The following THSD7A variants were observed in gnomAD, a reference collection of about 807,000 sequenced individuals.
The protein encoded by THSD7A is thrombospondin type 1 domain containing 7A.
In THSD7A, 96 loss-of-function variants were observed where a neutral mutation model predicts 231.3. The observed-to-expected ratio is 0.41, with a 90% confidence interval of 0.35 to 0.49. The LOEUF (loss-of-function observed/expected upper bound fraction) is 0.49. THSD7A is among the 20% of genes least tolerant of loss of function. THSD7A has a pLI of 0.05. For synonymous variants in THSD7A, 940 were observed against 743.3 expected (o/e 1.26, Z -4.30); for missense variants, 2,290 against 2,070.2 (o/e 1.11, Z -2.06).
intron 25 of THSD7A, 141 bp from the exon 26 acceptor site, chr7:11,379,421 A>G (rs1486368764): frequency 3.3e-6 from 3 of 918,854 alleles, no homozygotes; most frequent in African/African-American, 1.7e-5. Flanking sequence ...TTAACTACAA[A>G]GAAACATACT....
At chr7:11,407,894 A>G (rs183038806) in intron 19 of THSD7A, among the ~76,000 whole-genome samples, 1 of 152,354 alleles carries the variant, frequency 6.6e-6, no homozygotes, top group African/African-American at 2.4e-5. Flanking sequence ...CTCAAAACTA[A>G]TGATATCATG....
At chr7:11,769,138 TATATA>T (rs1783132267) in intron 1 of THSD7A, among the ~76,000 whole-genome samples, 6 of 59,260 alleles carry the variant, frequency 1.0e-4, no homozygotes, top group South Asian at 1.4e-3. Context: ...TATATATATA[TATATA>T]TATATATATA....
At chr7:11,731,918 A>G (rs1781749504) in intron 1 of THSD7A, among the ~76,000 whole-genome samples, 1 of 151,664 alleles carries the variant, frequency 6.6e-6, no homozygotes, top group African/African-American at 2.4e-5. Context: ...ACAGAACCCC[A>G]AGTCCAGCTT....
chr7:11,542,768 T>G (rs1231422455), intron 5 of THSD7A, among the ~76,000 whole-genome samples, 194 bp downstream of exon 5: 1 of 152,228 alleles, frequency 6.6e-6, no homozygotes, highest in Non-Finnish European at 1.5e-5. Context: ...TTAACAAGCA[T>G]TTATGCCTAT....
At chr7:11,509,447 AT>A (rs1336157151) in intron 6 of THSD7A, among the ~76,000 whole-genome samples, 1 of 152,206 alleles carries the variant, frequency 6.6e-6, no homozygotes, top group Non-Finnish European at 1.5e-5. Flanking sequence ...TTGAACCCAA[AT>A]AACTTTTCAA....
intron 4 of THSD7A, among the ~76,000 whole-genome samples, chr7:11,559,254 A>T (rs1028071338): frequency 1.3e-5 from 2 of 152,180 alleles, no homozygotes; most frequent in Non-Finnish European, 2.9e-5. Context: ...GCTTGGAGAG[A>T]TGCATGCCAG....
At chr7:11,819,977 G>T (rs192577491) in intron 1 of THSD7A, among the ~76,000 whole-genome samples, 1 of 152,250 alleles carries the variant, frequency 6.6e-6, no homozygotes, top group African/African-American at 2.4e-5. Flanking sequence ...GCACCAAAAA[G>T]TCTATTAAAA....
chr7:11,448,706 C>A (rs990721103), intron 11 of THSD7A, among the ~76,000 whole-genome samples: 6 of 152,062 alleles, frequency 3.9e-5, no homozygotes, highest in African/African-American at 1.4e-4. Context: ...GCAATTTTAG[C>A]AAGGCAAGAT....
At chr7:11,723,492 T>C (rs779969125) in intron 1 of THSD7A, among the ~76,000 whole-genome samples, 2 of 151,560 alleles carry the variant, frequency 1.3e-5, no homozygotes, top group Non-Finnish European at 2.9e-5. Context: ...AATAAAAAAA[T>C]AAACTGGATG....
intron 6 of THSD7A, among the ~76,000 whole-genome samples, chr7:11,517,499 G>A (rs1263628485): frequency 6.6e-6 from 1 of 151,620 alleles, no homozygotes; most frequent in Non-Finnish European, 1.5e-5. Flanking sequence ...AACAAAGTAA[G>A]GCTATGAAGT....
chr7:11,647,747 T>C (rs865779918), intron 1 of THSD7A, among the ~76,000 whole-genome samples: 1 of 152,070 alleles, frequency 6.6e-6, no homozygotes, highest in South Asian at 2.1e-4. Context: ...TAAGAATGAA[T>C]TGCTGTTCTA....
intron 1 of THSD7A, among the ~76,000 whole-genome samples, chr7:11,674,949 A>G (rs1337241083): frequency 6.6e-6 from 1 of 152,168 alleles, no homozygotes; most frequent in Non-Finnish European, 1.5e-5. Context: ...TGACATAGCT[A>G]TGTTAAGAAA....
intron 1 of THSD7A, among the ~76,000 whole-genome samples, chr7:11,640,598 G>A (rs1216445694): frequency 6.6e-6 from 1 of 152,074 alleles, no homozygotes; most frequent in Non-Finnish European, 1.5e-5. Flanking sequence ...ATGTTTTTCT[G>A]AAATTAGCAT....
chr7:11,533,427 G>A (rs771706557), intron 6 of THSD7A, among the ~76,000 whole-genome samples: 5 of 152,118 alleles, frequency 3.3e-5, no homozygotes, highest in Non-Finnish European at 7.4e-5. Context: ...CTGTTTTATG[G>A]TGAGCAGCTG....
chr7:11,470,537 T>C (rs757680301), intron 8 of THSD7A, among the ~76,000 whole-genome samples: 21 of 151,792 alleles, frequency 1.4e-4, no homozygotes, highest in Non-Finnish European at 2.1e-4. Flanking sequence ...TATTTAATAA[T>C]AATTAAGATA....
intron 6 of THSD7A, among the ~76,000 whole-genome samples, chr7:11,537,188 C>G (rs1489638471): frequency 6.6e-6 from 1 of 152,128 alleles, no homozygotes; most frequent in African/African-American, 2.4e-5. Flanking sequence ...TCCCCTTCCT[C>G]ATCTTATAGG....
chr7:11,820,175 G>A (rs1784827679), intron 1 of THSD7A: 1 of 296,988 alleles, frequency 3.4e-6, no homozygotes, highest in South Asian at 1.5e-4. Context: ...GATGCCTCCC[G>A]CGGTAGTACA....
rs1220627175 is a variant in THSD7A at position 11,636,041 on chromosome 7, C to A, written c.1022+89G>T. The stretch of plus-strand genomic sequence containing the variant: ...ATCCTAGGTTGTGCCCCTACGTAAT[C>A]CAGAAGTTATTAGATAGTACCGGAT... On this transcript the variant is annotated intron_variant, in intron 2 of 27. Transcript: ENST00000423059. The surrounding 1 kb of genome is among the most constrained non-coding windows in gnomAD (Gnocchi z 10.0). 6 of 1,280,696 alleles carry A rather than the reference C, an allele frequency of 4.7e-6. No individual in the cohort carries two copies. In the African/African-American group the frequency reaches 9.0e-5, roughly 19 times the overall value. The allele number at this position is 1,280,696 out of a possible 1,614,324, so 79.3% of individuals were successfully genotyped here.
At chr7:11,568,400 C>T (rs1583991995) in intron 4 of THSD7A, among the ~76,000 whole-genome samples, 2 of 151,874 alleles carry the variant, frequency 1.3e-5, no homozygotes, top group East Asian at 1.9e-4. Context: ...CCGAGGCAGG[C>T]GGATCACGAG....
Sources: allele counts gnomAD v4.1 joint callset (sites outside exome capture counted in the v4.1 genomes callset), GRCh38; gene constraint gnomAD v4.1.1; non-coding constraint Gnocchi (gnomAD v3.1); transcripts MANE v1.5; gene names NCBI Gene and HGNC (gene_info 2026-07-23, HGNC 2026-07-21).